Variants in FTO observed in about 807,000 individuals in gnomAD.
FTO encodes the protein FTO alpha-ketoglutarate dependent dioxygenase, also known as alpha-ketoglutarate-dependent dioxygenase FTO.
FTO carries 47 observed loss-of-function variants against 63.9 expected under a neutral mutation model. That is an observed-to-expected ratio of 0.74 (90% CI 0.58 to 0.94). The LOEUF (loss-of-function observed/expected upper bound fraction) is 0.94. Among genes scored for constraint, FTO ranks in the 40% least tolerant of loss-of-function variants. The probability of loss-of-function intolerance (pLI) is 0.00; values close to 1 mark genes in which losing one functional copy is unlikely to be tolerated. For synonymous variants in FTO, 207 were observed against 224.4 expected, an observed-to-expected ratio of 0.92 and a Z score of 0.69; for missense variants, 562 against 618.1, an observed-to-expected ratio of 0.91 and a Z score of 0.96.
intron 4 of FTO, among the ~76,000 whole-genome samples, chr16:53,850,578 C>A (rs2079761388): frequency 6.6e-6 from 1 of 151,976 alleles, no homozygotes; most frequent in African/African-American, 2.4e-5. Flanking sequence ...TTTGTTACAT[C>A]CAGGTTTTTG....
At chr16:53,808,511 T>C (rs555198622) in intron 1 of FTO, among the ~76,000 whole-genome samples, 1 of 152,268 alleles carries the variant, frequency 6.6e-6, no homozygotes, top group East Asian at 1.9e-4. Flanking sequence ...TCTATTCCCT[T>C]TCTCTTTCCT....
chr16:54,098,141 T>G (rs996532268), intron 8 of FTO, among the ~76,000 whole-genome samples: 7 of 152,158 alleles, frequency 4.6e-5, no homozygotes, highest in African/African-American at 1.2e-4. Context: ...AATTTTGACT[T>G]TGACTCAGCT....
chr16:53,756,941 G>C (rs564198999), intron 1 of FTO, among the ~76,000 whole-genome samples: 1 of 152,218 alleles, frequency 6.6e-6, no homozygotes, highest in South Asian at 2.1e-4. Context: ...TAAATGACAG[G>C]CCTGTTAATC....
At chr16:54,088,287 T>A (rs1021565228) in intron 8 of FTO, among the ~76,000 whole-genome samples, 7 of 152,256 alleles carry the variant, frequency 4.6e-5, no homozygotes, top group African/African-American at 1.2e-4. Context: ...TTTAGAAATC[T>A]TTCCATGTTA....
intron 8 of FTO, among the ~76,000 whole-genome samples, chr16:54,048,787 T>G (rs1483174127): frequency 1.3e-5 from 2 of 152,210 alleles, no homozygotes; most frequent in Non-Finnish European, 1.5e-5. Context: ...AGTTGACATC[T>G]TCTTCTAAAA....
At chr16:53,919,544 A>C (rs2081960435) in intron 7 of FTO, among the ~76,000 whole-genome samples, 1 of 152,196 alleles carries the variant, frequency 6.6e-6, no homozygotes, top group Non-Finnish European at 1.5e-5. Flanking sequence ...TAGCAGCACA[A>C]TTTACAATTG....
chr16:53,910,374 G>A (rs909413534), intron 7 of FTO, among the ~76,000 whole-genome samples: 4 of 152,034 alleles, frequency 2.6e-5, no homozygotes, highest in South Asian at 2.1e-4. Flanking sequence ...TGATCCAATC[G>A]ACCCATTCTT....
intron 8 of FTO, among the ~76,000 whole-genome samples, chr16:53,969,568 C>T (rs991271637): frequency 2.0e-5 from 3 of 151,980 alleles, no homozygotes; most frequent in Admixed American, 1.3e-4. Flanking sequence ...TTTTTTGTGG[C>T]GACTCACAAA....
intron 8 of FTO, among the ~76,000 whole-genome samples, chr16:53,996,260 G>A (rs1215297111): frequency 6.6e-6 from 1 of 152,132 alleles, no homozygotes; most frequent in Non-Finnish European, 1.5e-5. Context: ...CATCCTAACT[G>A]ATTCAGTTAC....
intron 3 of FTO, among the ~76,000 whole-genome samples, chr16:53,843,889 G>C (rs920265722): frequency 6.6e-6 from 1 of 151,670 alleles, no homozygotes; most frequent in African/African-American, 2.4e-5. Flanking sequence ...GACTTTAAGT[G>C]ATCTACCACC....
At chr16:53,806,673 C>T (rs1038817432) in intron 1 of FTO, among the ~76,000 whole-genome samples, 1 of 152,118 alleles carries the variant, frequency 6.6e-6, no homozygotes, top group African/African-American at 2.4e-5. Context: ...TAATAATTTC[C>T]ATATCATAAA....
chr16:53,781,007 C>T lies in FTO; in HGVS notation c.46-29133C>T, dbSNP rs147413377. Among the ~76,000 whole-genome samples, 918 of 152,236 alleles carry T rather than the reference C, an allele frequency of 6.0e-3. 6 individuals carry two copies. The highest frequency in any genetic ancestry group is 9.8e-3 in the Non-Finnish European group (665 of 68,008). On this transcript the variant is annotated intron_variant, in intron 1 of 8. Coordinates refer to ENST00000471389, the MANE Select transcript of FTO (RefSeq NM_001080432.3). ...CTTATTTATTTGGCTATTTTTCTGT[C>T]TCTTCTACCAGGAATATAAGCTTTA...
intron 8 of FTO, among the ~76,000 whole-genome samples, chr16:53,950,164 A>AAAAACAAAAC (rs2082748474): frequency 6.8e-6 from 1 of 146,120 alleles, no homozygotes; most frequent in South Asian, 2.2e-4. Flanking sequence ...GTAAAAAAAA[A>AAAAACAAAAC]AAAAAAAAAA....
intron 8 of FTO, 124 bp from the exon 9 acceptor site, chr16:54,111,638 C>T (rs573956633): frequency 7.0e-6 from 7 of 1,004,910 alleles, no homozygotes; most frequent in Non-Finnish European, 1.1e-5. Flanking sequence ...TCAGTCGTCA[C>T]CATGACCTTC....
intron 1 of FTO, among the ~76,000 whole-genome samples, chr16:53,739,668 T>C (rs2076485807): frequency 6.6e-6 from 1 of 152,152 alleles, no homozygotes; most frequent in Non-Finnish European, 1.5e-5. Context: ...AACACTAAAG[T>C]ATGTTTGATG....
chr16:53,897,855 T>C (rs2081310925), intron 7 of FTO, among the ~76,000 whole-genome samples: 2 of 152,208 alleles, frequency 1.3e-5, no homozygotes, highest in African/African-American at 4.8e-5. Flanking sequence ...TAATTTGAAC[T>C]GTCCAGTTGC....
At chr16:53,769,300 T>C (rs2077280243) in intron 1 of FTO, among the ~76,000 whole-genome samples, 1 of 152,176 alleles carries the variant, frequency 6.6e-6, no homozygotes, top group Non-Finnish European at 1.5e-5. Flanking sequence ...AGCATACTGA[T>C]TGAAAGCATG....
intron 3 of FTO, among the ~76,000 whole-genome samples, chr16:53,834,685 A>G (rs1045353029): frequency 2.6e-5 from 4 of 152,300 alleles, no homozygotes; most frequent in South Asian, 2.1e-4. Context: ...AAATATTTTT[A>G]TAAGGTTTGC....
At chr16:53,954,010 T>C (rs1244301242) in intron 8 of FTO, among the ~76,000 whole-genome samples, 1 of 152,210 alleles carries the variant, frequency 6.6e-6, no homozygotes, top group African/African-American at 2.4e-5. Flanking sequence ...CCTTCACTTA[T>C]AGCTTCAAAC....
Sources: gnomAD v4.1 joint callset for allele counts (sites outside exome capture counted in the v4.1 genomes callset) on GRCh38, gnomAD v4.1.1 for gene constraint, MANE v1.5 for transcripts, NCBI Gene and HGNC (gene_info 2026-07-23, HGNC 2026-07-21) for gene names.